PPP1R12A: variants seen among roughly 807,000 people sequenced by gnomAD.
The protein encoded by PPP1R12A is myosin binding subunit.
PPP1R12A carries 19 observed loss-of-function variants against 139.6 expected under a neutral mutation model. The ratio of observed to expected loss-of-function variants is 0.14; its 90% CI spans 0.09 to 0.20. The LOEUF is 0.20. Ranked by LOEUF, PPP1R12A falls within the 10% of genes least tolerant of loss-of-function variation. The probability of loss-of-function intolerance (pLI) is 1.00; values close to 1 mark genes in which losing one functional copy is unlikely to be tolerated. For synonymous variants in PPP1R12A, 427 were observed against 420.6 expected, an observed-to-expected ratio of 1.02 and a Z score of -0.19; for missense variants, 925 against 1,211.5, an observed-to-expected ratio of 0.76 and a Z score of 3.51.
At chr12:79,790,421 A>T (rs1871696151) in intron 20 of PPP1R12A, 46 bp downstream of exon 20, 1 of 1,202,846 alleles carries the variant, frequency 8.3e-7, no homozygotes. Flanking sequence ...TTTAACAAAG[A>T]TAAAAATAAG....
At position 79,845,183 on chromosome 12, in the gene PPP1R12A, G is replaced by A. The variant is rs551448970; in HGVS notation, c.487+119C>T. ...AACATACTGTACTATTGTTTTGCAAGCTGAATTCATTTTTTTCATGAAATT... is the reference window on the plus strand; with the variant it reads ...AACATACTGTACTATTGTTTTGCAAACTGAATTCATTTTTTTCATGAAATT... On this transcript the variant is annotated intron_variant, in intron 3 of 24. Coordinates refer to ENST00000450142, the MANE Select transcript of PPP1R12A (RefSeq NM_002480.3). The A allele has an allele frequency of 1.9e-5, 14 of 726,068 alleles. 1 individual carries two copies. The highest frequency in any genetic ancestry group is 1.6e-4 in the African/African-American group (9 of 56,638). 45.0% of individuals were successfully genotyped at this position (726,068 alleles called of 1,614,324 possible).
intron 13 of PPP1R12A, 182 bp from the exon 14 acceptor site, chr12:79,805,950 T>C (rs571082698): frequency 1.9e-4 from 178 of 917,512 alleles, no homozygotes; most frequent in Non-Finnish European, 1.5e-4. Flanking sequence ...GAAATTTACA[T>C]TTTAAGCAGT....
chr12:79,789,583 T>G (rs1170110435), intron 20 of PPP1R12A: 1 of 444,678 alleles, frequency 2.2e-6, no homozygotes, highest in Non-Finnish European at 4.5e-6. Context: ...TATCTGGTTC[T>G]GAAATTCAGG....
intron 1 of PPP1R12A, among the ~76,000 whole-genome samples, chr12:79,919,536 C>G (rs1404308961): frequency 6.7e-6 from 1 of 149,476 alleles, no homozygotes; most frequent in African/African-American, 2.5e-5. Context: ...GCCTGGGCAA[C>G]AGAGTGAGAC....
At chr12:79,881,891 A>G (rs900972363) in intron 1 of PPP1R12A, among the ~76,000 whole-genome samples, 3 of 152,184 alleles carry the variant, frequency 2.0e-5, no homozygotes, top group Non-Finnish European at 4.4e-5. Context: ...TATGAATTAC[A>G]CTAAATCTAC....
intron 3 of PPP1R12A, among the ~76,000 whole-genome samples, chr12:79,836,494 T>A (rs1221529741): frequency 6.6e-6 from 1 of 152,178 alleles, no homozygotes; most frequent in Non-Finnish European, 1.5e-5. Context: ...GCTATCTTTA[T>A]CTAATGACAA....
chr12:79,873,057 A>C (rs2137335518), intron 1 of PPP1R12A, 119 bp from the exon 2 acceptor site: 1 of 1,118,364 alleles, frequency 8.9e-7, no homozygotes, highest in Non-Finnish European at 1.2e-6. Flanking sequence ...TCTGTAAATA[A>C]ATCTGCTGCT....
chr12:79,827,168 T>A (rs1465953009), intron 5 of PPP1R12A, among the ~76,000 whole-genome samples: 1 of 152,162 alleles, frequency 6.6e-6, no homozygotes, highest in Non-Finnish European at 1.5e-5. Context: ...AGAAAGTAAA[T>A]TATTGAAAGT....
At chr12:79,859,606 T>C (rs1009761503) in intron 2 of PPP1R12A, among the ~76,000 whole-genome samples, 1 of 152,150 alleles carries the variant, frequency 6.6e-6, no homozygotes, top group Non-Finnish European at 1.5e-5. Flanking sequence ...TTTTTTTCTA[T>C]GCTGAAAATG....
chr12:79,916,154 AAACAACAAATGTACCTAT>A (rs1886978955), intron 1 of PPP1R12A, among the ~76,000 whole-genome samples: 1 of 100,856 alleles, frequency 9.9e-6, no homozygotes, highest in Non-Finnish European at 1.7e-5. Context: ...ATGTACCTAT[AAACAACAAATGTACCTAT>A]AAACAACAAA....
At chr12:79,904,805 A>G (rs1885955117) in intron 1 of PPP1R12A, among the ~76,000 whole-genome samples, 1 of 152,218 alleles carries the variant, frequency 6.6e-6, no homozygotes, top group Non-Finnish European at 1.5e-5. Flanking sequence ...AAAGGCCAAA[A>G]GGTGATCTAT....
At chr12:79,916,777 C>G (rs894593303) in intron 1 of PPP1R12A, among the ~76,000 whole-genome samples, 8 of 152,108 alleles carry the variant, frequency 5.3e-5, no homozygotes, top group African/African-American at 1.9e-4. Context: ...CCATCAACAC[C>G]AGCTTCTTTG....
chr12:79,920,652 G>T (rs914494128), intron 1 of PPP1R12A, among the ~76,000 whole-genome samples: 2 of 152,174 alleles, frequency 1.3e-5, no homozygotes, highest in Non-Finnish European at 2.9e-5. Context: ...GGATTAAAGG[G>T]TTAATGAATT....
chr12:79,862,417 A>G (rs760608484), intron 2 of PPP1R12A, among the ~76,000 whole-genome samples: 1 of 152,220 alleles, frequency 6.6e-6, no homozygotes, highest in Non-Finnish European at 1.5e-5. Flanking sequence ...ACTCCTCCAA[A>G]GGAACACAAC....
chr12:79,916,402 G>A (rs1292960149), intron 1 of PPP1R12A, among the ~76,000 whole-genome samples: 2 of 151,932 alleles, frequency 1.3e-5, no homozygotes, highest in East Asian at 1.9e-4. Flanking sequence ...GATATTCATC[G>A]ACAAATGCTT....
intron 12 of PPP1R12A, chr12:79,807,010 A>G (rs1457833925): frequency 3.0e-6 from 1 of 336,638 alleles, no homozygotes; most frequent in Non-Finnish European, 5.3e-6. Context: ...AAAACATTTC[A>G]TAATATTTGA....
At chr12:79,830,640 C>T (rs2596793) in intron 4 of PPP1R12A, among the ~76,000 whole-genome samples, 54,923 of 152,140 alleles carry the variant, frequency 0.36, 17,332 homozygotes, top group African/African-American at 0.81. Flanking sequence ...CTTTGCCACT[C>T]GACAGATGTA....
chr12:79,823,844 C>G (rs1876439051), intron 5 of PPP1R12A: 2 of 152,536 alleles, frequency 1.3e-5, no homozygotes, highest in Non-Finnish European at 2.9e-5. Flanking sequence ...CCACCTCCAC[C>G]TCCCAAAGTG....
chr12:79,843,978 C>T (rs1320900229), intron 3 of PPP1R12A, among the ~76,000 whole-genome samples: 1 of 152,134 alleles, frequency 6.6e-6, no homozygotes, highest in African/African-American at 2.4e-5. Flanking sequence ...GCTGGGATTA[C>T]AGGCATGAGC....
Sources: allele counts gnomAD v4.1 joint callset (sites outside exome capture counted in the v4.1 genomes callset), GRCh38; gene constraint gnomAD v4.1.1; transcripts MANE v1.5; gene names NCBI Gene and HGNC (gene_info 2026-07-23, HGNC 2026-07-21).